MYOM1: variants seen among roughly 807,000 people sequenced by gnomAD.
MYOM1 encodes myomesin-1.
Under a neutral mutation model 205.3 loss-of-function variants are expected in MYOM1, and 164 were observed. The observed-to-expected ratio is 0.80, with a 90% confidence interval of 0.70 to 0.91. The LOEUF (loss-of-function observed/expected upper bound fraction) is 0.91. MYOM1 is among the 40% of genes least tolerant of loss of function. The pLI is 0.00. For missense variants in MYOM1, 2,011 were observed against 2,127.3 expected (o/e 0.95, Z 1.08); for synonymous variants, 772 against 789.4 (o/e 0.98, Z 0.37).
At chr18:3,215,937 GC>G (rs1296892717) in intron 1 of MYOM1, among the ~76,000 whole-genome samples, 1 of 152,160 alleles carries the variant, frequency 6.6e-6, no homozygotes, top group African/African-American at 2.4e-5. Context: ...ATAATTAGCA[GC>G]ACCTACTGTG....
At chr18:3,140,701 G>A (rs1281987146) in intron 14 of MYOM1, among the ~76,000 whole-genome samples, 1 of 152,124 alleles carries the variant, frequency 6.6e-6, no homozygotes, top group African/African-American at 2.4e-5. Flanking sequence ...AATTATCAGG[G>A]AAGGTGACCT....
In MYOM1 at chr18:3,142,070, A is replaced by G. The variant is rs1385302840; in HGVS notation, c.1901-7T>C. ...GGGCCAGGCACAATACCCTCTGAAA[A>G]ACAACAAGGAAAAATGAGAAGCACA... is the stretch of plus-strand genomic sequence containing the variant. On this transcript the variant is annotated splice_polypyrimidine_tract_variant and splice_region_variant and intron_variant, in intron 13 of 37. Coordinates refer to ENST00000356443, the MANE Select transcript of MYOM1 (RefSeq NM_003803.4). 6.2e-7 allele frequency: 1 copy of G among 1,612,494 alleles called. No homozygotes were observed. Among genetic ancestry groups the G allele is most frequent in the Admixed American group, 1.7e-5 (1 of 59,862 alleles).
intron 34 of MYOM1, 140 bp from the exon 35 acceptor site, chr18:3,075,901 G>T: frequency 1.4e-6 from 1 of 719,306 alleles, no homozygotes; most frequent in Non-Finnish European, 2.4e-6. Context: ...GTGCTTATGT[G>T]TTCACTCCAC....
In MYOM1 at chr18:3,067,402, C is replaced by A. The variant is rs750123864; in HGVS notation, c.4918G>T (p.Asp1640Tyr). 6.2e-7 allele frequency: 1 copy of A among 1,613,470 alleles called. No homozygotes were observed. Among genetic ancestry groups the A allele is most frequent in the Non-Finnish European group, 8.5e-7 (1 of 1,179,912 alleles). The change falls in exon 38 of 38, where the codon GAC becomes TAC. Residue 1640 changes from aspartate to tyrosine, a missense_variant. Asp to Tyr is a radical substitution (Grantham distance 160). Transcript: ENST00000356443. ...ACAACCAGCCCGTATTTGCCCGAGTCAGCGGTGCTCACGCCGTTGATGGTG... is the reference window on the plus strand; with the variant it reads ...ACAACCAGCCCGTATTTGCCCGAGTAAGCGGTGCTCACGCCGTTGATGGTG... ...YFTINGVSTA[D>Y]SGKYGLVVKN... is the part of the protein sequence containing the mutation.
Position 3,083,842 on chromosome 18 carries a change from C to T in MYOM1, c.4431G>A (p.Leu1477=). ...KIQSTAEGIQ[L]YSFVTYYVED... is the part of the protein sequence containing the mutation. The stretch of plus-strand genomic sequence containing the variant: ...CCACATAGTAAGTTACAAAAGAGTA[C>T]AGTTGGATGCCCTCGGCTGTGCTCT... Residue 1477 remains leucine, a synonymous_variant, in exon 33 of 38, where the codon CTG becomes CTA. Coordinates refer to ENST00000356443, the MANE Select transcript of MYOM1 (RefSeq NM_003803.4). 1 of 1,583,762 alleles carries T rather than the reference C, an allele frequency of 6.3e-7. No homozygotes were observed. Among genetic ancestry groups the T allele is most frequent in the Non-Finnish European group, 8.6e-7 (1 of 1,163,584 alleles).
intron 21 of MYOM1, among the ~76,000 whole-genome samples, chr18:3,115,846 C>T (rs2079597055): frequency 6.6e-6 from 1 of 152,106 alleles, no homozygotes; most frequent in African/African-American, 2.4e-5. Context: ...CCACTAATCT[C>T]TGAGAGCTCA....
At chr18:3,108,793 C>A (rs2079485508) in intron 22 of MYOM1, among the ~76,000 whole-genome samples, 1 of 151,874 alleles carries the variant, frequency 6.6e-6, no homozygotes, top group Non-Finnish European at 1.5e-5. Flanking sequence ...CCTGTCTTGG[C>A]CTCCCAAAGT....
intron 10 of MYOM1, among the ~76,000 whole-genome samples, chr18:3,161,680 T>C (rs1302179548): frequency 1.3e-5 from 2 of 152,298 alleles, no homozygotes; most frequent in South Asian, 2.1e-4. Flanking sequence ...GAGAAACAAA[T>C]CTTTTGTTAT....
At chr18:3,073,886 T>C (rs1393284705) in intron 36 of MYOM1, among the ~76,000 whole-genome samples, 1 of 152,168 alleles carries the variant, frequency 6.6e-6, no homozygotes, top group Non-Finnish European at 1.5e-5. Context: ...GAGTTTTCCT[T>C]TCGCTTAATA....
At chr18:3,075,414 C>T (rs1429034413) in intron 36 of MYOM1, 40 bp downstream of exon 36, 2 of 1,582,282 alleles carry the variant, frequency 1.3e-6, no homozygotes, top group East Asian at 4.5e-5. Flanking sequence ...TGAATCTATC[C>T]CAGGAGTACT....
At chr18:3,201,191 G>A (rs1417791244) in intron 2 of MYOM1, among the ~76,000 whole-genome samples, 3 of 152,116 alleles carry the variant, frequency 2.0e-5, no homozygotes, top group Non-Finnish European at 4.4e-5. Flanking sequence ...TTGAGGTCAG[G>A]AGTTTGAGAC....
At chr18:3,200,275 A>G (rs78083775) in intron 2 of MYOM1, among the ~76,000 whole-genome samples, 5,770 of 152,306 alleles carry the variant, frequency 0.038, 201 homozygotes, top group African/African-American at 0.086. Context: ...AATTGTAACA[A>G]TATATTATCT....
Position 3,071,886 on chromosome 18 carries a change from C to T in MYOM1, c.4712G>A (p.Arg1571His), listed in dbSNP as rs369967493. ...LKQAAIAEKN[R>H]ARVLGGLPDV... ...TGGGAGACCTCCCAACACCCGGGCA[C>T]GATCTGCAAGCATAGGCATTTTGGG... The change falls in exon 37 of 38, where the codon CGT (arginine) becomes CAT (histidine). Residue 1571 changes from arginine to histidine, a missense_variant. Physicochemically the swap from Arg to His is conservative, Grantham distance 29. Coordinates refer to ENST00000356443, the MANE Select transcript of MYOM1 (RefSeq NM_003803.4). 8.7e-6 allele frequency: 14 copies of T among 1,604,114 alleles called. No homozygotes were observed. The highest frequency in any genetic ancestry group is 5.1e-5 in the Admixed American group (3 of 58,902).
rs1193427369 is a variant in MYOM1 at position 3,135,001 on chromosome 18, A to G, written c.2210-177T>C. 8.2e-6 allele frequency: 5 copies of G among 607,436 alleles called. No homozygotes were observed. Among genetic ancestry groups the G allele is most frequent in the Non-Finnish European group, 1.4e-5 (5 of 357,500 alleles). 37.6% of individuals were successfully genotyped at this position (607,436 alleles called of 1,614,324 possible). ...TCTCGCTCTGTCACCCAGGCTGGAGAGCAGTGGCGGGATCTCGGCTCACTG... is the reference window on the plus strand; with the variant it reads ...TCTCGCTCTGTCACCCAGGCTGGAGGGCAGTGGCGGGATCTCGGCTCACTG... On this transcript the variant is annotated intron_variant, in intron 15 of 37. Coordinates refer to ENST00000356443, the MANE Select transcript of MYOM1 (RefSeq NM_003803.4). The surrounding 1 kb of genome is among the most constrained non-coding windows in gnomAD (Gnocchi z 4.1).
intron 18 of MYOM1, among the ~76,000 whole-genome samples, chr18:3,127,707 G>T (rs891350706): frequency 1.3e-5 from 2 of 151,994 alleles, no homozygotes; most frequent in Non-Finnish European, 2.9e-5. Context: ...CTGCACACAA[G>T]AAAAAAATTT....
chr18:3,137,056 T>C (rs2079978701), intron 14 of MYOM1, among the ~76,000 whole-genome samples: 3 of 151,840 alleles, frequency 2.0e-5, no homozygotes, highest in Admixed American at 1.3e-4. Flanking sequence ...GTTCACGCCA[T>C]TCTCCTGCCT....
intron 18 of MYOM1, among the ~76,000 whole-genome samples, chr18:3,127,464 A>G (rs1023183222): frequency 4.6e-5 from 7 of 151,798 alleles, no homozygotes; most frequent in African/African-American, 1.5e-4. Flanking sequence ...GTGCACCACC[A>G]TGCCCGGCTA....
intron 19 of MYOM1, among the ~76,000 whole-genome samples, chr18:3,122,018 C>T (rs550611191): frequency 6.6e-5 from 10 of 152,200 alleles, no homozygotes; most frequent in South Asian, 4.2e-4. Context: ...ACTTGGGAGG[C>T]TGAGGCACGG....
chr18:3,070,454 G>C (rs915931359), intron 37 of MYOM1, among the ~76,000 whole-genome samples: 1 of 151,840 alleles, frequency 6.6e-6, no homozygotes, highest in African/African-American at 2.4e-5. Context: ...CCCAGTGGCT[G>C]TAAACTTTTT....
Sources: gnomAD v4.1 joint callset for allele counts (sites outside exome capture counted in the v4.1 genomes callset) on GRCh38, gnomAD v4.1.1 for gene constraint, Gnocchi (gnomAD v3.1) non-coding constraint, MANE v1.5 for transcripts, NCBI Gene and HGNC (gene_info 2026-07-23, HGNC 2026-07-21) for gene names.